SAMMSON: variants seen among roughly 807,000 people sequenced by gnomAD.
SAMMSON encodes the protein long intergenic non-protein coding RNA 1212.
In SAMMSON at chr3:70,286,064, G is replaced by T. The variant is rs143453285; in HGVS notation, n.675-5115G>T. 8.5e-5 allele frequency among the ~76,000 whole-genome samples: 13 copies of T among 152,080 alleles called. No individual in the cohort carries two copies. In the East Asian group the frequency reaches 1.6e-3, roughly 18 times the overall value. The stretch of plus-strand genomic sequence containing the variant: ...CTGTGCAGAAGCTCTTTAGTTTAAT[G>T]AGATCCCATTTGTCAATTTTGTGTT... On this transcript the variant is annotated intron_variant and non_coding_transcript_variant, in intron 6 of 9. Transcript: ENST00000642114.
At chr3:70,308,176 T>C (rs1337772441) in intron 7 of SAMMSON, among the ~76,000 whole-genome samples, 2 of 152,156 alleles carry the variant, frequency 1.3e-5, no homozygotes, top group Non-Finnish European at 2.9e-5. Flanking sequence ...TCAGTCTGTC[T>C]AGTAGTTGGG....
intron 4 of SAMMSON, among the ~76,000 whole-genome samples, chr3:70,131,933 A>G (rs955327472): frequency 6.6e-6 from 1 of 152,144 alleles, no homozygotes; most frequent in African/African-American, 2.4e-5. Context: ...TCAGATCTAG[A>G]GAATAAATAG....
At position 70,240,116 on chromosome 3, in the gene SAMMSON, CAA is replaced by C. The variant is rs1423946491; in HGVS notation, n.508-8990_508-8989del. On this transcript the variant is annotated intron_variant and non_coding_transcript_variant, in intron 4 of 9. Coordinates refer to ENST00000642114, the Ensembl canonical transcript of SAMMSON. ...TCTTTAACTAGAAGCCCAAGATAAG[CAA>C]GGACTTAATGTAAATTTTTAAAATA... is the stretch of plus-strand genomic sequence containing the variant. Among the ~76,000 whole-genome samples, 7 of 151,968 alleles carry C rather than the reference CAA, an allele frequency of 4.6e-5. No individual in the cohort carries two copies. The East Asian group carries it at 1.4e-3, about 29-fold the overall frequency.
chr3:70,365,634 G>T (rs1194160701), intron 9 of SAMMSON, among the ~76,000 whole-genome samples: 2 of 151,656 alleles, frequency 1.3e-5, no homozygotes, highest in Admixed American at 1.3e-4. Context: ...CTGTACCCTT[G>T]CAGGAAACAA....
chr3:70,224,845 T>G (rs2106739622), intron 4 of SAMMSON, among the ~76,000 whole-genome samples: 1 of 152,072 alleles, frequency 6.6e-6, no homozygotes, highest in East Asian at 1.9e-4. Context: ...ACCTCACCCA[T>G]CCAACAAAGA....
chr3:70,047,833 T>C (rs1387688728), intron 3 of SAMMSON, among the ~76,000 whole-genome samples: 1 of 152,036 alleles, frequency 6.6e-6, no homozygotes, highest in African/African-American at 2.4e-5. Context: ...GAATGTTGAG[T>C]CACCACATGG....
chr3:70,256,610 G>C (rs1163074800), intron 6 of SAMMSON, among the ~76,000 whole-genome samples: 1 of 152,106 alleles, frequency 6.6e-6, no homozygotes, highest in African/African-American at 2.4e-5. Context: ...TAAATAATGG[G>C]AAAGTAAAGT....
chr3:70,036,132 A>G lies in SAMMSON; in HGVS notation n.417+22460A>G, dbSNP rs578168020. 5.3e-5 allele frequency among the ~76,000 whole-genome samples: 8 copies of G among 152,264 alleles called. No homozygotes were observed. In the South Asian group the frequency reaches 1.7e-3, roughly 32 times the overall value. On this transcript the variant is annotated intron_variant and non_coding_transcript_variant, in intron 3 of 9. Transcript: ENST00000642114. ...GCTTGTAAATAAGCCAAATATATAA[A>G]ACCCTAAAAGGTGAGATACTTGGTT...
intron 2 of SAMMSON, among the ~76,000 whole-genome samples, chr3:70,412,266 T>C (rs538981492): frequency 6.6e-6 from 1 of 152,330 alleles, no homozygotes; most frequent in African/African-American, 2.4e-5. Context: ...CATTATGTCA[T>C]ATGTACATCC....
At chr3:70,232,430 T>G (rs1194537379) in intron 4 of SAMMSON, among the ~76,000 whole-genome samples, 2 of 150,076 alleles carry the variant, frequency 1.3e-5, no homozygotes, top group African/African-American at 4.9e-5. Context: ...TGCGATGGAG[T>G]CTCGCTCTGT....
chr3:70,091,065 C>T (rs1266192033), intron 4 of SAMMSON, among the ~76,000 whole-genome samples: 1 of 152,088 alleles, frequency 6.6e-6, no homozygotes. Flanking sequence ...CTCATCCATC[C>T]ATCATAGACC....
At chr3:70,085,727 C>G (rs2067283115) in intron 4 of SAMMSON, among the ~76,000 whole-genome samples, 1 of 152,144 alleles carries the variant, frequency 6.6e-6, no homozygotes, top group Admixed American at 6.6e-5. Context: ...AGTTTAAACA[C>G]AAATAATTAT....
At chr3:70,161,078 C>G (rs1427666464) in intron 4 of SAMMSON, among the ~76,000 whole-genome samples, 1 of 151,974 alleles carries the variant, frequency 6.6e-6, no homozygotes, top group Non-Finnish European at 1.5e-5. Context: ...TTGTGGATTT[C>G]TACACATGGT....
At chr3:70,375,157 A>G (rs1413286387) in intron 9 of SAMMSON, among the ~76,000 whole-genome samples, 2 of 151,990 alleles carry the variant, frequency 1.3e-5, no homozygotes, top group African/African-American at 2.4e-5. Flanking sequence ...TTTTGTTTTT[A>G]TATTCTACTT....
At chr3:70,086,694 G>C (rs1240274308) in intron 4 of SAMMSON, among the ~76,000 whole-genome samples, 1 of 152,132 alleles carries the variant, frequency 6.6e-6, no homozygotes, top group Admixed American at 6.5e-5. Context: ...CCTTAATCTG[G>C]GGCTACAGGG....
intron 7 of SAMMSON, among the ~76,000 whole-genome samples, chr3:70,324,346 C>T (rs955177620): frequency 2.4e-4 from 37 of 152,010 alleles, no homozygotes; most frequent in African/African-American, 8.5e-4. Context: ...ATCAGATCAG[C>T]GGCCCTGAAG....
intron 3 of SAMMSON, among the ~76,000 whole-genome samples, chr3:70,050,351 C>T (rs1438967805): frequency 1.3e-5 from 2 of 152,122 alleles, no homozygotes; most frequent in East Asian, 3.9e-4. Flanking sequence ...CACCCAGGAC[C>T]TTGGCATTGG....
chr3:70,291,845 G>A (rs1385765747), intron 7 of SAMMSON: 1 of 152,164 alleles, frequency 6.6e-6, no homozygotes, highest in Non-Finnish European at 1.5e-5. Flanking sequence ...GCTGTCTGGT[G>A]ATCTTATCTT....
At chr3:70,117,880 A>T (rs2067417562) in intron 4 of SAMMSON, among the ~76,000 whole-genome samples, 1 of 152,176 alleles carries the variant, frequency 6.6e-6, no homozygotes, top group South Asian at 2.1e-4. Flanking sequence ...TTTACCTAAT[A>T]AATTTGTCCT....
Sources: gnomAD v4.1 joint callset for allele counts (sites outside exome capture counted in the v4.1 genomes callset) on GRCh38, gnomAD v4.1.1 for gene constraint, MANE v1.5 for transcripts, NCBI Gene and HGNC (gene_info 2026-07-23, HGNC 2026-07-21) for gene names.